Variants in LAMC2 observed in about 807,000 individuals in gnomAD.
The protein encoded by LAMC2 is laminin subunit gamma 2, also known as laminin subunit gamma-2.
A neutral mutation model predicts 140.2 loss-of-function variants in LAMC2; 97 were observed. The ratio of observed to expected loss-of-function variants is 0.69; its 90% CI spans 0.59 to 0.82. The LOEUF is 0.82. Among genes scored for constraint, LAMC2 ranks in the 40% least tolerant of loss-of-function variants. The probability of loss-of-function intolerance (pLI) is 0.00; values close to 1 mark genes in which losing one functional copy is unlikely to be tolerated. For synonymous variants in LAMC2, 513 were observed against 540.2 expected (o/e 0.95, Z 0.70); for missense variants, 1,402 against 1,476.1 (o/e 0.95, Z 0.82).
At chr1:183,223,066 G>A in intron 6 of LAMC2, 69 bp from the exon 7 acceptor site, 1 of 1,475,898 alleles carries the variant, frequency 6.8e-7, no homozygotes, top group Non-Finnish European at 9.4e-7. Context: ...CGACACCAGT[G>A]CAAACTTGCA....
Position 183,235,621 on chromosome 1 carries a change from GA to G in LAMC2, c.2348del (p.Glu783GlyfsTer48), listed in dbSNP as rs776142807. The G allele has an allele frequency of 1.8e-5, 29 of 1,614,128 alleles. No individual in the cohort carries two copies. Among genetic ancestry groups the G allele is most frequent in the Non-Finnish European group, 2.5e-5 (29 of 1,180,050 alleles). ...SNMEQLTRET[E>X]DYSKQALSLV... is the part of the protein sequence containing the mutation. ...CATGGAGCAACTGACAAGGGAAACT[GA>G]GGACTATTCCAAACAAGCCCTCTCA... On this transcript the variant is annotated frameshift_variant, in exon 16 of 23. Transcript: ENST00000264144. LOFTEE classifies it high-confidence loss of function.
At chr1:183,224,673 T>TACACACACACACAC (rs3064952) in intron 7 of LAMC2, among the ~76,000 whole-genome samples, 61 of 148,000 alleles carry the variant, frequency 4.1e-4, no homozygotes, top group Admixed American at 3.0e-3. Flanking sequence ...GTTCTAATGA[T>TACACACACACACAC]ACACACACAC....
At position 183,225,700 on chromosome 1, in the gene LAMC2, G is replaced by A. The variant is rs529958701; in HGVS notation, c.1046G>A (p.Arg349Gln). 4.0e-5 allele frequency: 65 copies of A among 1,610,918 alleles called. No individual in the cohort carries two copies. In the South Asian group the frequency reaches 5.6e-4, roughly 14 times the overall value. The change falls in exon 8 of 23, where the codon CGA (arginine) becomes CAA (glutamine). Residue 349 changes from arginine to glutamine, a missense_variant. By Grantham distance (43) the Arg-to-Gln change is conservative. Transcript: ENST00000264144. Reference sequence around the variant, plus strand: ...CGGAATCTCACAGCCCTCCGCATCCGAGCTACATATGGAGAATACAGTAAG... The same window carrying A: ...CGGAATCTCACAGCCCTCCGCATCCAAGCTACATATGGAGAATACAGTAAG... Reference protein sequence around the residue: ...LLRNLTALRIRATYGEYSTGY... With the variant: ...LLRNLTALRIQATYGEYSTGY...
the LAMC2 span, among the ~76,000 whole-genome samples, chr1:183,253,268 ATAT>A: frequency 1.4e-5 from 2 of 147,828 alleles, no homozygotes; most frequent in Non-Finnish European, 3.0e-5. Context: ...ATATTATACT[ATAT>A]TATATTATTT....
rs138929090 is a variant in LAMC2, at chr1:183,226,761, C to T, written c.1130C>T (p.Pro377Leu). 1.2e-6 allele frequency: 2 copies of T among 1,614,184 alleles called. No individual in the cohort carries two copies. The highest frequency in any genetic ancestry group is 8.5e-7 in the Non-Finnish European group (1 of 1,180,032). Residue 377 changes from proline (P) to leucine (L), a missense_variant, in exon 9 of 23, where the codon CCC becomes CTC. Physicochemically the swap from Pro to Leu is moderately conservative, Grantham distance 98. Coordinates refer to ENST00000264144, the MANE Select transcript of LAMC2 (RefSeq NM_005562.3). ...SARPVSGAPA[P>L]WVEQCICPVG... ...CGCCCTGTCTCTGGAGCCCCAGCAC[C>T]CTGGGTTGAACAGTGTATATGTCCT...
Position 183,243,640 on chromosome 1 carries a change from A to T in LAMC2, c.*240A>T. ...GCACTGGGTGTGAGAATGATCAAGG[A>T]TCTGGACCCCAAAGAATAGACTGGA... On this transcript the variant is annotated 3_prime_UTR_variant, in exon 23 of 23. Transcript: ENST00000264144. 1.8e-6 allele frequency: 1 copy of T among 566,782 alleles called. No individual in the cohort carries two copies. The highest frequency in any genetic ancestry group is 2.0e-5 in the South Asian group (1 of 50,264). The allele number at this position is 566,782 out of a possible 1,614,324, so 35.1% of individuals were successfully genotyped here.
intron 1 of LAMC2, among the ~76,000 whole-genome samples, chr1:183,186,960 C>A (rs770490493): frequency 2.0e-5 from 3 of 152,182 alleles, no homozygotes; most frequent in Non-Finnish European, 4.4e-5. Context: ...ATGTAATATT[C>A]ATTCAACAGG....
downstream of LAMC2, among the ~76,000 whole-genome samples, chr1:183,245,961 A>G (rs1411061096): frequency 2.6e-5 from 4 of 152,180 alleles, no homozygotes; most frequent in African/African-American, 9.7e-5. Context: ...CGAGGTCAAG[A>G]GATTGAGACC....
chr1:183,202,998 A>G (rs1007182950), intron 1 of LAMC2, among the ~76,000 whole-genome samples: 5 of 152,232 alleles, frequency 3.3e-5, no homozygotes, highest in African/African-American at 4.8e-5. Flanking sequence ...ACTGTGTGAT[A>G]TAATAGGGCT....
intron 15 of LAMC2, among the ~76,000 whole-genome samples, chr1:183,235,076 T>A (rs903534573): frequency 1.4e-4 from 21 of 152,034 alleles, no homozygotes; most frequent in African/African-American, 5.1e-4. Flanking sequence ...AGCTCGTTTT[T>A]AATTTTGTTT....
chr1:183,243,812 GA>G lies in LAMC2; in HGVS notation c.*415del. On this transcript the variant is annotated 3_prime_UTR_variant, in exon 23 of 23. Transcript: ENST00000264144. The stretch of plus-strand genomic sequence containing the variant: ...AAAAACTTTGACTTTGCCCAGGCAT[GA>G]AATTCTTCCTAATGTCAGAACAGAG... The G allele has an allele frequency of 3.6e-6, 1 of 280,852 alleles. No homozygotes were observed. Among genetic ancestry groups the G allele is most frequent in the Non-Finnish European group, 6.9e-6 (1 of 144,508 alleles). 17.4% of individuals were successfully genotyped at this position (280,852 alleles called of 1,614,324 possible).
chr1:183,230,227 C>T (rs1659758675), intron 11 of LAMC2, among the ~76,000 whole-genome samples: 2 of 152,104 alleles, frequency 1.3e-5, no homozygotes, highest in African/African-American at 4.8e-5. Context: ...ATACTGAGGC[C>T]ATAATGGTGA....
At chr1:183,190,951 T>C (rs1658312687) in intron 1 of LAMC2, among the ~76,000 whole-genome samples, 1 of 152,242 alleles carries the variant, frequency 6.6e-6, no homozygotes, top group Admixed American at 6.5e-5. Context: ...TATATTGTGA[T>C]CTTCACAGCA....
the LAMC2 span, among the ~76,000 whole-genome samples, chr1:183,256,310 G>A: frequency 6.6e-6 from 1 of 152,076 alleles, no homozygotes. Flanking sequence ...TTAGGAGGCT[G>A]AGGCAGGAGA....
At chr1:183,252,439 A>G in the LAMC2 span, 11 of 325,134 alleles carry the variant, frequency 3.4e-5, no homozygotes, top group Middle Eastern at 1.2e-3. Context: ...CCCAACCCGG[A>G]GACTAGAGGA....
chr1:183,237,328 T>A, intron 17 of LAMC2, 24 bp from the exon 18 acceptor site: 3 of 1,613,748 alleles, frequency 1.9e-6, no homozygotes, highest in Non-Finnish European at 2.5e-6. Context: ...GAAGTCAGAC[T>A]CCCTGGTTTC....
Position 183,243,791 on chromosome 1 carries a change from A to T in LAMC2, c.*391A>T, listed in dbSNP as rs1158498672. The T allele has an allele frequency of 7.1e-6, 2 of 282,438 alleles. No individual in the cohort carries two copies. Among genetic ancestry groups the T allele is most frequent in the Non-Finnish European group, 1.4e-5 (2 of 145,836 alleles). 17.5% of individuals were successfully genotyped at this position (282,438 alleles called of 1,614,324 possible). ...TTGAGTAATGTGACTAAAGGAAAAA[A>T]CTTTGACTTTGCCCAGGCATGAAAT... On this transcript the variant is annotated 3_prime_UTR_variant, in exon 23 of 23. Transcript: ENST00000264144.
rs1558088792 is a variant in LAMC2, at chr1:183,218,389, G to A, written c.405-1G>A. 1 of 1,613,410 alleles carries A rather than the reference G, an allele frequency of 6.2e-7. No homozygotes were observed. Among genetic ancestry groups the A allele is most frequent in the Non-Finnish European group, 8.5e-7 (1 of 1,179,322 alleles). On this transcript the variant is annotated splice_acceptor_variant, in intron 3 of 22. Transcript: ENST00000264144. LOFTEE classifies it high-confidence loss of function. ...CTAATTTTCTTTTTCTTCTTCCCCAGAGACTCCAAGTGTGACTGTGACCCA... is the reference window on the plus strand; with the variant it reads ...CTAATTTTCTTTTTCTTCTTCCCCAAAGACTCCAAGTGTGACTGTGACCCA...
intron 1 of LAMC2, among the ~76,000 whole-genome samples, chr1:183,201,086 A>G (rs1228679512): frequency 6.6e-6 from 1 of 152,154 alleles, no homozygotes. Flanking sequence ...TGGCTGGCAG[A>G]ATCAAGGATT....
Sources: allele counts gnomAD v4.1 joint callset (sites outside exome capture counted in the v4.1 genomes callset), GRCh38; gene constraint gnomAD v4.1.1; transcripts MANE v1.5; gene names NCBI Gene and HGNC (gene_info 2026-07-23, HGNC 2026-07-21).